Variants in PEX13 observed in about 807,000 individuals in gnomAD.
PEX13 encodes peroxisomal biogenesis factor 13.
PEX13 carries 28 observed loss-of-function variants against 34.5 expected under a neutral mutation model. The observed-to-expected ratio is 0.81, with a 90% CI of 0.60 to 1.11. The LOEUF is 1.11. PEX13 is among the 50% of genes most tolerant of loss of function. The pLI is 0.00. For missense variants in PEX13, 550 were observed against 491.0 expected (o/e 1.12, Z -1.13); for synonymous variants, 177 against 175.1 (o/e 1.01, Z -0.09).
Position 61,032,003 on chromosome 2 carries a change from G to A in PEX13, c.677G>A (p.Arg226Gln), listed in dbSNP as rs775953595. The change falls in exon 2 of 4, where the codon CGA becomes CAA. Residue 226 changes from arginine to glutamine, a missense_variant. Arg to Gln is a conservative substitution (Grantham distance 43, BLOSUM62 1). Transcript: ENST00000295030. ...GTVACLGAEDRAATSAKSWPI... is the reference protein window; with the variant it reads ...GTVACLGAEDQAATSAKSWPI... ...GTGGCATGCCTTGGTGCTGAGGACC[G>A]AGCAGCTACCTCAGCAAAATCTTGG... is the stretch of plus-strand genomic sequence containing the variant. 9.6e-5 allele frequency: 155 copies of A among 1,612,768 alleles called. No individual in the cohort carries two copies. The highest frequency in any genetic ancestry group is 1.2e-4 in the Non-Finnish European group (146 of 1,178,982).
intron 1 of PEX13, among the ~76,000 whole-genome samples, chr2:61,025,508 G>A (rs922669916): frequency 3.3e-5 from 5 of 151,914 alleles, no homozygotes; most frequent in East Asian, 3.9e-4. Context: ...ACAGGCATTC[G>A]CCACCACACC....
intron 1 of PEX13, among the ~76,000 whole-genome samples, chr2:61,028,607 G>A (rs1260715298): frequency 1.3e-5 from 2 of 151,070 alleles, no homozygotes; most frequent in African/African-American, 2.4e-5. Flanking sequence ...GGCTGGTCTC[G>A]AACTCCTAAC....
At chr2:61,023,773 ATC>A (rs1680305785) in intron 1 of PEX13, among the ~76,000 whole-genome samples, 1 of 122,498 alleles carries the variant, frequency 8.2e-6, no homozygotes, top group Non-Finnish European at 1.7e-5. Context: ...CTTTTTGGCC[ATC>A]TCTGTCTTTT....
chr2:61,046,066 G>T lies in PEX13; in HGVS notation c.913+215G>T, dbSNP rs3732178. Among the ~76,000 whole-genome samples, 2,810 of 152,174 alleles carry T rather than the reference G, an allele frequency of 0.018. 31 individuals are homozygous for T. The highest frequency in any genetic ancestry group is 0.023 in the East Asian group (118 of 5,172). ...TCGAATACTATTTCACTGAGATAAGGAAAGGCTTTGTTTATATAGGCTTTT... is the reference window on the plus strand; with the variant it reads ...TCGAATACTATTTCACTGAGATAAGTAAAGGCTTTGTTTATATAGGCTTTT... On this transcript the variant is annotated intron_variant, in intron 3 of 3. Transcript: ENST00000295030.
chr2:61,031,719 G>T lies in PEX13; in HGVS notation c.393G>T (p.Gln131His). 1.2e-6 allele frequency: 2 copies of T among 1,614,190 alleles called. No homozygotes were observed. Among genetic ancestry groups the T allele is most frequent in the Non-Finnish European group, 1.7e-6 (2 of 1,180,042 alleles). The change falls in exon 2 of 4, where the codon CAG becomes CAT. Residue 131 changes from glutamine to histidine, a missense_variant. By Grantham distance (24) the Gln-to-His change is conservative (BLOSUM62 0). Transcript: ENST00000295030. ...QAEESSRGAF[Q>H]SIESIVHAFA... Reference sequence around the variant, plus strand: ...AAGAAAGCAGCAGGGGTGCATTTCAGTCCATTGAAAGTATTGTGCATGCAT... The same window carrying T: ...AAGAAAGCAGCAGGGGTGCATTTCATTCCATTGAAAGTATTGTGCATGCAT...
chr2:61,038,034 A>C (rs1400214157), intron 2 of PEX13, among the ~76,000 whole-genome samples: 1 of 152,166 alleles, frequency 6.6e-6, no homozygotes, highest in Non-Finnish European at 1.5e-5. Flanking sequence ...GGACACATAC[A>C]CCCTCCCAAG....
At chr2:61,027,132 C>G (rs920373091) in intron 1 of PEX13, among the ~76,000 whole-genome samples, 3 of 149,682 alleles carry the variant, frequency 2.0e-5, no homozygotes, top group African/African-American at 4.9e-5. Context: ...AAACCAGCCT[C>G]TCAAGATGTA....
intron 1 of PEX13, chr2:61,018,084 G>A (rs1573543632): frequency 1.3e-6 from 2 of 1,521,734 alleles, no homozygotes; most frequent in East Asian, 4.9e-5. Flanking sequence ...GGGAGCTCCT[G>A]GGCGTCTCTC....
intron 2 of PEX13, among the ~76,000 whole-genome samples, chr2:61,036,507 C>G (rs1573556015): frequency 1.3e-5 from 2 of 152,300 alleles, no homozygotes; most frequent in Middle Eastern, 3.4e-3. Context: ...AACCCAGAAT[C>G]TCATATCCAG....
chr2:61,022,859 C>G (rs146003790), intron 1 of PEX13, among the ~76,000 whole-genome samples: 2 of 152,164 alleles, frequency 1.3e-5, no homozygotes, highest in East Asian at 3.9e-4. Flanking sequence ...CATAGCAAGA[C>G]CCTGTCTCCA....
At position 61,017,765 on chromosome 2, in the gene PEX13, G is replaced by C. The variant is rs573461186; in HGVS notation, c.6G>C (p.Ala2=). The change falls in exon 1 of 4, where the codon GCG becomes GCC. Residue 2 remains alanine (A), a synonymous_variant. Coordinates refer to ENST00000295030, the MANE Select transcript of PEX13 (RefSeq NM_002618.4). M[A]SQPPPPPKPW... ...GCCGAGAGGAGGCGGAGGAGATGGC[G>C]TCCCAGCCGCCACCTCCCCCCAAAC... 3 of 1,549,518 alleles carry C rather than the reference G, an allele frequency of 1.9e-6. No homozygotes were observed. In the Admixed American group the frequency reaches 5.9e-5, roughly 30 times the overall value.
chr2:61,032,424 A>G (rs1680467600), intron 2 of PEX13, among the ~76,000 whole-genome samples: 2 of 152,224 alleles, frequency 1.3e-5, no homozygotes, highest in Admixed American at 6.5e-5. Flanking sequence ...TAAGACACAT[A>G]TACAGGTAAT....
intron 1 of PEX13, among the ~76,000 whole-genome samples, chr2:61,025,536 T>G (rs982890589): frequency 1.6e-4 from 24 of 152,032 alleles, no homozygotes; most frequent in African/African-American, 2.4e-5. Flanking sequence ...TTTTTGTATT[T>G]TTAGTAGAGA....
chr2:61,047,400 C>T (rs541121964), intron 3 of PEX13, among the ~76,000 whole-genome samples: 3 of 152,138 alleles, frequency 2.0e-5, no homozygotes, highest in South Asian at 2.1e-4. Flanking sequence ...GTGATCCGCC[C>T]GACTTGGCCT....
intron 2 of PEX13, among the ~76,000 whole-genome samples, chr2:61,039,234 GA>G (rs1170377382): frequency 6.6e-6 from 1 of 152,008 alleles, no homozygotes; most frequent in Non-Finnish European, 1.5e-5. Flanking sequence ...CACAGAATTG[GA>G]AAAAACTACT....
intron 2 of PEX13, among the ~76,000 whole-genome samples, chr2:61,039,047 G>A (rs951192237): frequency 2.0e-5 from 3 of 152,026 alleles, no homozygotes; most frequent in African/African-American, 7.3e-5. Context: ...GGGATGTGAA[G>A]GACCTCTTCA....
At position 61,049,075 on chromosome 2, in the gene PEX13, T is replaced by A. The variant is rs921163062; in HGVS notation, c.*305T>A. On this transcript the variant is annotated 3_prime_UTR_variant, in exon 4 of 4. Transcript: ENST00000295030. ...TATTGGAAGAGTAAGATTGATGAAC[T>A]ATAGCATGCACAGTTTGGTACAGTA... The A allele has an allele frequency of 5.9e-5, 23 of 388,202 alleles. No homozygotes were observed. The highest frequency in any genetic ancestry group is 4.1e-4 in the African/African-American group (20 of 48,558). The allele number at this position is 388,202 out of a possible 1,614,324, so 24.0% of individuals were successfully genotyped here. A position where few individuals can be genotyped will look rare whatever the true frequency, so the allele number is the denominator to read the frequency against.
intron 1 of PEX13, among the ~76,000 whole-genome samples, chr2:61,021,514 A>T (rs1257550690): frequency 6.6e-6 from 1 of 152,216 alleles, no homozygotes; most frequent in African/African-American, 2.4e-5. Context: ...CAGAGCGCCC[A>T]GGAAGCTTGA....
intron 1 of PEX13, among the ~76,000 whole-genome samples, chr2:61,028,689 G>C (rs567740425): frequency 4.3e-4 from 66 of 152,094 alleles, no homozygotes; most frequent in African/African-American, 1.5e-3. Context: ...GCCTGGGCTG[G>C]GGGTAGGACA....
Sources: gnomAD v4.1 joint callset for allele counts (sites outside exome capture counted in the v4.1 genomes callset) on GRCh38, gnomAD v4.1.1 for gene constraint, MANE v1.5 for transcripts, NCBI Gene and HGNC (gene_info 2026-07-23, HGNC 2026-07-21) for gene names.